The following SLC16A7 variants were observed in gnomAD, a reference collection of about 807,000 sequenced individuals.
SLC16A7 encodes monocarboxylate transporter 2.
SLC16A7 carries 33 observed loss-of-function variants against 34.9 expected under a neutral mutation model. The observed-to-expected ratio is 0.94, with a 90% CI of 0.72 to 1.26. The LOEUF is 1.26. Among genes scored for constraint, SLC16A7 ranks in the 50% most tolerant of loss-of-function variants. The pLI is 0.00. For missense variants in SLC16A7, 573 were observed against 578.1 expected (o/e 0.99, Z 0.09); for synonymous variants, 201 against 206.6 (o/e 0.97, Z 0.23).
chr12:59,666,547 C>T (rs1052474243), intron 2 of SLC16A7, among the ~76,000 whole-genome samples: 14 of 152,100 alleles, frequency 9.2e-5, no homozygotes, highest in African/African-American at 3.4e-4. Flanking sequence ...GTAATTGAAT[C>T]ATGAGGGTGA....
intron 1 of SLC16A7, among the ~76,000 whole-genome samples, chr12:59,639,358 A>G (rs2137003897): frequency 6.6e-6 from 1 of 152,274 alleles, no homozygotes; most frequent in South Asian, 2.1e-4. Flanking sequence ...AGTGATTAAA[A>G]GGAAAAAAGA....
chr12:59,677,901 G>T (rs1302975355), intron 2 of SLC16A7, among the ~76,000 whole-genome samples: 2 of 152,230 alleles, frequency 1.3e-5, no homozygotes, highest in Admixed American at 6.5e-5. Context: ...TCACAAGCCA[G>T]AAACCTCTGT....
chr12:59,654,166 G>T (rs1868415859), intron 1 of SLC16A7, among the ~76,000 whole-genome samples: 1 of 151,112 alleles, frequency 6.6e-6, no homozygotes, highest in South Asian at 2.1e-4. Context: ...GGTTAGTGGT[G>T]ATGTGAACAA....
At chr12:59,717,266 G>A (rs761229798) in intron 3 of SLC16A7, among the ~76,000 whole-genome samples, 1 of 152,142 alleles carries the variant, frequency 6.6e-6, no homozygotes, top group Non-Finnish European at 1.5e-5. Flanking sequence ...TATGCAAAGG[G>A]TTGAATTTTA....
At chr12:59,762,559 C>G (rs996373165) in intron 3 of SLC16A7, among the ~76,000 whole-genome samples, 1 of 152,066 alleles carries the variant, frequency 6.6e-6, no homozygotes, top group Admixed American at 6.6e-5. Flanking sequence ...TAAAAAAGGT[C>G]TAAAAATTTC....
intron 1 of SLC16A7, among the ~76,000 whole-genome samples, chr12:59,638,972 A>G (rs1423883558): frequency 6.6e-6 from 1 of 152,146 alleles, no homozygotes; most frequent in Non-Finnish European, 1.5e-5. Flanking sequence ...AAACTGTATA[A>G]TACTTTTGGG....
At chr12:59,702,787 G>A (rs1234798562) in intron 2 of SLC16A7, among the ~76,000 whole-genome samples, 1 of 151,922 alleles carries the variant, frequency 6.6e-6, no homozygotes, top group South Asian at 2.1e-4. Context: ...TAAAAATGCC[G>A]AGGATTTTTT....
chr12:59,684,182 T>C (rs1222686597), intron 2 of SLC16A7, among the ~76,000 whole-genome samples: 2 of 152,302 alleles, frequency 1.3e-5, no homozygotes, highest in Non-Finnish European at 2.9e-5. Flanking sequence ...TTTTTCCTAC[T>C]TTTTCTAGGC....
chr12:59,649,624 G>A (rs1352815913), intron 1 of SLC16A7, among the ~76,000 whole-genome samples: 1 of 152,052 alleles, frequency 6.6e-6, no homozygotes, highest in Non-Finnish European at 1.5e-5. Flanking sequence ...TATACCTCTG[G>A]TTTTGTGGCC....
chr12:59,600,553 G>A (rs1446915340), intron 1 of SLC16A7, among the ~76,000 whole-genome samples: 1 of 152,000 alleles, frequency 6.6e-6, no homozygotes, highest in East Asian at 1.9e-4. Context: ...CTATGTGAGA[G>A]ATCCAGCTGT....
intron 1 of SLC16A7, among the ~76,000 whole-genome samples, chr12:59,607,154 G>A (rs1204383536): frequency 3.3e-5 from 5 of 151,254 alleles, no homozygotes; most frequent in African/African-American, 1.2e-4. Context: ...TCGCACTTTA[G>A]AGAAAAAAAA....
At chr12:59,755,910 T>C (rs902974406) in intron 3 of SLC16A7, among the ~76,000 whole-genome samples, 1 of 152,030 alleles carries the variant, frequency 6.6e-6, no homozygotes, top group Non-Finnish European at 1.5e-5. Context: ...AAAACAGAGA[T>C]ATAGATCAAT....
chr12:59,695,118 G>A (rs2137109271), intron 2 of SLC16A7, among the ~76,000 whole-genome samples: 1 of 151,850 alleles, frequency 6.6e-6, no homozygotes, highest in Admixed American at 6.6e-5. Flanking sequence ...TTGGAGGGCT[G>A]CCACATGGAG....
At chr12:59,663,775 C>A (rs1048300644) in intron 2 of SLC16A7, among the ~76,000 whole-genome samples, 4 of 151,980 alleles carry the variant, frequency 2.6e-5, no homozygotes, top group African/African-American at 9.7e-5. Flanking sequence ...AAGAAACATA[C>A]CACATATTTT....
At position 59,785,315 on chromosome 12, in the gene SLC16A7, TCTC is replaced by T. The variant is rs1883531778; in HGVS notation, c.*5640_*5642del. 6.6e-6 allele frequency: 1 copy of T among 152,290 alleles called. No homozygotes were observed. The highest frequency in any genetic ancestry group is 2.1e-4 in the South Asian group (1 of 4,822). The allele number at this position is 152,290 out of a possible 1,614,324, so 9.4% of individuals were successfully genotyped here. ...TACAATCTGGTTTATTTTAGTCTTC[TCTC>T]CTCTACTGCTTTTTCTTCACTTTAA... On this transcript the variant is annotated 3_prime_UTR_variant, in exon 6 of 6. Coordinates refer to ENST00000547379, the MANE Select transcript of SLC16A7 (RefSeq NM_001270623.2).
At chr12:59,682,158 A>G (rs1338164954) in intron 2 of SLC16A7, among the ~76,000 whole-genome samples, 3 of 152,202 alleles carry the variant, frequency 2.0e-5, no homozygotes, top group African/African-American at 4.8e-5. Context: ...TTCAGCTTTT[A>G]AACTAAATCC....
chr12:59,734,078 A>C, intron 3 of SLC16A7: 1 of 250,934 alleles, frequency 4.0e-6, no homozygotes, highest in Non-Finnish European at 8.2e-6. Context: ...TCTGACCCCC[A>C]GGCCTCAGGC....
chr12:59,739,863 T>G (rs1175178290), intron 3 of SLC16A7, among the ~76,000 whole-genome samples: 1 of 152,260 alleles, frequency 6.6e-6, no homozygotes, highest in African/African-American at 2.4e-5. Flanking sequence ...TGTCTGTTCA[T>G]GTCCTTCACC....
chr12:59,681,365 A>G (rs1366815117), intron 2 of SLC16A7, among the ~76,000 whole-genome samples: 1 of 152,194 alleles, frequency 6.6e-6, no homozygotes, highest in Non-Finnish European at 1.5e-5. Context: ...TTGTCATTTC[A>G]TGCAAATAAA....
Sources: gnomAD v4.1 joint callset for allele counts (sites outside exome capture counted in the v4.1 genomes callset) on GRCh38, gnomAD v4.1.1 for gene constraint, MANE v1.5 for transcripts, NCBI Gene and HGNC (gene_info 2026-07-23, HGNC 2026-07-21) for gene names.